The following OR2L3 variants were observed in gnomAD, a reference collection of about 807,000 sequenced individuals.
OR2L3 encodes the protein olfactory receptor family 2 subfamily L member 3.
For missense variants in OR2L3, 369 were observed against 376.6 expected, an observed-to-expected ratio of 0.98 and a Z score of 0.17; for synonymous variants, 131 against 139.1, an observed-to-expected ratio of 0.94 and a Z score of 0.41.
intron 1 of OR2L3, among the ~76,000 whole-genome samples, chr1:248,060,318 T>C (rs572805855): frequency 6.6e-6 from 1 of 152,240 alleles, no homozygotes; most frequent in South Asian, 2.1e-4. Context: ...AAACTCTAGG[T>C]AAAAATTAAG....
At chr1:248,058,968 A>G (rs1663530184) in intron 1 of OR2L3, among the ~76,000 whole-genome samples, 1 of 152,084 alleles carries the variant, frequency 6.6e-6, no homozygotes, top group South Asian at 2.1e-4. Context: ...TTAATTTTCA[A>G]AGGTCCTTTA....
intron 1 of OR2L3, among the ~76,000 whole-genome samples, chr1:248,048,615 G>A (rs73143314): frequency 6.6e-6 from 1 of 152,090 alleles, no homozygotes; most frequent in Non-Finnish European, 1.5e-5. Flanking sequence ...AGGAATTAAG[G>A]TTGACTCATG....
At chr1:248,059,287 T>C (rs910400706) in intron 1 of OR2L3, among the ~76,000 whole-genome samples, 8 of 152,206 alleles carry the variant, frequency 5.3e-5, no homozygotes, top group African/African-American at 1.9e-4. Flanking sequence ...TGTGCAAAGT[T>C]GTTCTCTGAT....
rs1663644309 is a variant in OR2L3, at chr1:248,061,551, C to A, written c.870C>A (p.Ser290Arg). The change falls in exon 2 of 2, where the codon AGC (serine) becomes AGA (arginine). Residue 290 changes from serine to arginine, a missense_variant. Transcript: ENST00000359959. ...CAATGCTCAACCCCATCATCTATAGCCTGAGGAACAAGGAGGTGATGGGGG... is the reference window on the plus strand; with the variant it reads ...CAATGCTCAACCCCATCATCTATAGACTGAGGAACAAGGAGGTGATGGGGG... ...LTPMLNPIIY[S>R]LRNKEVMGAL... 6.2e-7 allele frequency: 1 copy of A among 1,613,824 alleles called. No individual in the cohort carries two copies. Among genetic ancestry groups the A allele is most frequent in the Non-Finnish European group, 8.5e-7 (1 of 1,179,862 alleles).
In OR2L3 at chr1:248,060,740, C is replaced by T. The variant is rs755827785; in HGVS notation, c.59C>T (p.Ser20Leu). ...ATCTTATTAGGATTCTTCCCACCATCAAGAATTGGCCTTTTCCTCTTCATC... is the reference window on the plus strand; with the variant it reads ...ATCTTATTAGGATTCTTCCCACCATTAAGAATTGGCCTTTTCCTCTTCATC... ...DFILLGFFPPSRIGLFLFILI... is the reference protein window; with the variant it reads ...DFILLGFFPPLRIGLFLFILI... The change falls in exon 2 of 2, where the codon TCA (serine) becomes TTA (leucine). Residue 20 changes from serine to leucine, a missense_variant. Transcript: ENST00000359959. 4 of 1,614,082 alleles carry T rather than the reference C, an allele frequency of 2.5e-6. No homozygotes were observed. In the Admixed American group the frequency reaches 5.0e-5, roughly 20 times the overall value.
At position 248,061,654 on chromosome 1, in the gene OR2L3, T is replaced by A; in HGVS notation, c.*34T>A. 1.3e-6 allele frequency: 2 copies of A among 1,558,096 alleles called. No homozygotes were observed. Among genetic ancestry groups the A allele is most frequent in the South Asian group, 2.3e-5 (2 of 86,688 alleles). On this transcript the variant is annotated 3_prime_UTR_variant, in exon 2 of 2. Transcript: ENST00000359959. ...TCTACCTAAGGTCTCAGGACTCAGA[T>A]ACACATCCATCCAGCAGTGTATAGT...
chr1:248,050,074 A>G (rs768922668), intron 1 of OR2L3, among the ~76,000 whole-genome samples: 1 of 152,176 alleles, frequency 6.6e-6, no homozygotes, highest in Non-Finnish European at 1.5e-5. Context: ...GTGACGTTCC[A>G]GGTGCCAATG....
At chr1:248,057,910 G>T (rs563496616) in intron 1 of OR2L3, among the ~76,000 whole-genome samples, 3 of 152,156 alleles carry the variant, frequency 2.0e-5, no homozygotes, top group African/African-American at 7.2e-5. Flanking sequence ...TATGTCATAT[G>T]CAAACAGAAA....
In OR2L3 at chr1:248,061,051, G is replaced by A. The variant is rs746987640; in HGVS notation, c.370G>A (p.Ala124Thr). The change falls in exon 2 of 2, where the codon GCT becomes ACT. Residue 124 changes from alanine (A) to threonine (T), a missense_variant. Transcript: ENST00000359959. Reference protein sequence around the residue: ...LASMAYDRYIAICFPLHYPIR... With the variant: ...LASMAYDRYITICFPLHYPIR... ...ATCTATGGCCTATGATCGTTACATTGCTATTTGCTTTCCTCTTCACTATCC... is the reference window on the plus strand; with the variant it reads ...ATCTATGGCCTATGATCGTTACATTACTATTTGCTTTCCTCTTCACTATCC... The A allele has an allele frequency of 1.9e-6, 3 of 1,614,078 alleles. No homozygotes were observed. The highest frequency in any genetic ancestry group is 2.2e-5 in the South Asian group (2 of 91,082).
At chr1:248,055,123 AATTTG>A (rs1663392127) in intron 1 of OR2L3, among the ~76,000 whole-genome samples, 1 of 152,040 alleles carries the variant, frequency 6.6e-6, no homozygotes, top group Non-Finnish European at 1.5e-5. Context: ...TTAAATACCT[AATTTG>A]TTGAGAGTTT....
chr1:248,056,931 T>C (rs1028305703), intron 1 of OR2L3, among the ~76,000 whole-genome samples: 2 of 152,150 alleles, frequency 1.3e-5, no homozygotes, highest in African/African-American at 4.8e-5. Flanking sequence ...ATTACAGTCG[T>C]GAGCCACTGT....
At chr1:248,054,039 A>G (rs1360050485) in intron 1 of OR2L3, among the ~76,000 whole-genome samples, 1 of 152,112 alleles carries the variant, frequency 6.6e-6, no homozygotes, top group Non-Finnish European at 1.5e-5. Flanking sequence ...TCCCATGCCT[A>G]CTTCCTGAAT....
chr1:248,047,740 A>G (rs566462513), intron 1 of OR2L3, among the ~76,000 whole-genome samples: 2 of 152,332 alleles, frequency 1.3e-5, no homozygotes, highest in Admixed American at 1.3e-4. Flanking sequence ...AACAATGTGA[A>G]GGCTATATTA....
At chr1:248,055,967 A>G (rs1349627867) in intron 1 of OR2L3, 1 of 152,148 alleles carries the variant, frequency 6.6e-6, no homozygotes, top group African/African-American at 2.4e-5. Flanking sequence ...TGGTCTATTT[A>G]GGGATTCAAA....
At chr1:248,058,033 G>A (rs567703404) in intron 1 of OR2L3, among the ~76,000 whole-genome samples, 114 of 152,222 alleles carry the variant, frequency 7.5e-4, no homozygotes, top group Middle Eastern at 3.4e-3. Context: ...GTGGACTTCC[G>A]TGTCTTGTTG....
chr1:248,052,421 G>A (rs1444038308), intron 1 of OR2L3, among the ~76,000 whole-genome samples: 1 of 152,078 alleles, frequency 6.6e-6, no homozygotes, highest in Non-Finnish European at 1.5e-5. Context: ...ATAGCTTCGA[G>A]TAAGTTTTAA....
intron 1 of OR2L3, chr1:248,051,118 A>G (rs1385144229): frequency 2.0e-5 from 3 of 152,162 alleles, no homozygotes; most frequent in African/African-American, 4.8e-5. Context: ...AAACAATTTC[A>G]TTGTCTCCAA....
chr1:248,062,749 A>T lies in OR2L3; in HGVS notation c.*1129A>T, dbSNP rs1425859384. 2.6e-5 allele frequency: 4 copies of T among 152,194 alleles called. No homozygotes were observed. The highest frequency in any genetic ancestry group is 9.6e-5 in the African/African-American group (4 of 41,456). 9.4% of individuals were successfully genotyped at this position (152,194 alleles called of 1,614,324 possible). ...AAAGAGTGGAATTGGAATGTTCCCA[A>T]CACAAAGAAATAACCATATTTGAGG... On this transcript the variant is annotated 3_prime_UTR_variant, in exon 2 of 2. Transcript: ENST00000359959.
At chr1:248,048,902 T>C (rs901310571) in intron 1 of OR2L3, among the ~76,000 whole-genome samples, 7 of 149,124 alleles carry the variant, frequency 4.7e-5, no homozygotes, top group Admixed American at 2.0e-4. Context: ...TCCCCAGCTT[T>C]TTCTTTCCTT....
Sources: gnomAD v4.1 joint callset for allele counts (sites outside exome capture counted in the v4.1 genomes callset) on GRCh38, gnomAD v4.1.1 for gene constraint, MANE v1.5 for transcripts, NCBI Gene and HGNC (gene_info 2026-07-23, HGNC 2026-07-21) for gene names.